Variants in ASTN1 observed in about 807,000 individuals in gnomAD.
ASTN1 encodes the protein astrotactin 1, also known as astrotactin-1.
Under a neutral mutation model 140.7 loss-of-function variants are expected in ASTN1, and 41 were observed. The ratio of observed to expected loss-of-function variants is 0.29; its 90% CI spans 0.23 to 0.38. The LOEUF (loss-of-function observed/expected upper bound fraction) is 0.38. Ranked by LOEUF, ASTN1 falls within the 10% of genes least tolerant of loss-of-function variation. The pLI is 1.00. For synonymous variants in ASTN1, 640 were observed against 652.2 expected (o/e 0.98, Z 0.29); for missense variants, 1,479 against 1,678.8 (o/e 0.88, Z 2.08).
chr1:177,145,328 T>G (rs1170176312), intron 1 of ASTN1, among the ~76,000 whole-genome samples: 1 of 152,094 alleles, frequency 6.6e-6, no homozygotes, highest in African/African-American at 2.4e-5. Context: ...TCTCAATTGG[T>G]CTCCCCTGTG....
At chr1:177,119,257 A>G (rs1272191277) in intron 1 of ASTN1, among the ~76,000 whole-genome samples, 11 of 152,224 alleles carry the variant, frequency 7.2e-5, no homozygotes, top group Admixed American at 7.2e-4. Flanking sequence ...TTACCTGTAC[A>G]GTGCTGGTGC....
At chr1:177,022,191 C>G (rs1461546647) in intron 7 of ASTN1, among the ~76,000 whole-genome samples, 1 of 152,114 alleles carries the variant, frequency 6.6e-6, no homozygotes, top group African/African-American at 2.4e-5. Flanking sequence ...GACTCATCCT[C>G]TATTAAGATC....
intron 2 of ASTN1, among the ~76,000 whole-genome samples, chr1:177,039,539 G>A (rs937363192): frequency 6.6e-6 from 1 of 152,160 alleles, no homozygotes; most frequent in Non-Finnish European, 1.5e-5. Context: ...AAAGCAGTTG[G>A]ATAACTTCTC....
chr1:177,037,050 C>T (rs1282898744), intron 2 of ASTN1, among the ~76,000 whole-genome samples: 1 of 152,108 alleles, frequency 6.6e-6, no homozygotes, highest in Non-Finnish European at 1.5e-5. Flanking sequence ...TAACTTCTGG[C>T]TTCAAATAAT....
chr1:176,915,239 G>T (rs1232109512), intron 16 of ASTN1, among the ~76,000 whole-genome samples: 1 of 152,130 alleles, frequency 6.6e-6, no homozygotes, highest in Non-Finnish European at 1.5e-5. Flanking sequence ...CATTACTGAG[G>T]ACCTACCATG....
chr1:177,115,550 G>A (rs1021332587), intron 1 of ASTN1, among the ~76,000 whole-genome samples: 19 of 151,754 alleles, frequency 1.3e-4, no homozygotes, highest in African/African-American at 2.9e-4. Flanking sequence ...ATAGCTACTC[G>A]GGGGACTGAG....
chr1:176,863,917 G>C lies in ASTN1; in HGVS notation c.*367C>G. 1 of 1,053,316 alleles carries C rather than the reference G, an allele frequency of 9.5e-7. No individual in the cohort carries two copies. Among genetic ancestry groups the C allele is most frequent in the Non-Finnish European group, 1.1e-6 (1 of 870,846 alleles). The allele number at this position is 1,053,316 out of a possible 1,614,324, so 65.2% of individuals were successfully genotyped here. On this transcript the variant is annotated 3_prime_UTR_variant, in exon 23 of 23. Transcript: ENST00000361833. ...TGCAATGGATTTAGGAACTGAGTGA[G>C]CACAGGGTGCCTACTTAATAGACTT...
intron 1 of ASTN1, among the ~76,000 whole-genome samples, chr1:177,125,455 T>A (rs1413688264): frequency 6.6e-6 from 1 of 152,206 alleles, no homozygotes. Context: ...AAAGGCCAAG[T>A]AGTCTTTAAA....
chr1:177,137,966 G>A (rs905708875), intron 1 of ASTN1, among the ~76,000 whole-genome samples: 2 of 152,180 alleles, frequency 1.3e-5, no homozygotes, highest in Non-Finnish European at 2.9e-5. Flanking sequence ...TTAAAGGAGG[G>A]AGAAGGTGCC....
chr1:176,963,238 T>C (rs539943906), intron 9 of ASTN1, among the ~76,000 whole-genome samples: 15 of 152,294 alleles, frequency 9.8e-5, no homozygotes, highest in African/African-American at 3.1e-4. Flanking sequence ...AGAGAGATGT[T>C]CAGGAGCTTG....
chr1:176,968,441 A>C (rs942916119), intron 8 of ASTN1, among the ~76,000 whole-genome samples: 1 of 152,222 alleles, frequency 6.6e-6, no homozygotes, highest in Admixed American at 6.5e-5. Flanking sequence ...AGGCAACATG[A>C]GTATGGAAAG....
At chr1:177,156,096 T>C (rs1024125139) in intron 1 of ASTN1, among the ~76,000 whole-genome samples, 1 of 151,700 alleles carries the variant, frequency 6.6e-6, no homozygotes, top group African/African-American at 2.4e-5. Context: ...ATGGTGAAAC[T>C]CCGTCTCTAC....
chr1:176,883,347 C>G (rs1358830111), intron 19 of ASTN1, among the ~76,000 whole-genome samples: 1 of 151,936 alleles, frequency 6.6e-6, no homozygotes, highest in Non-Finnish European at 1.5e-5. Flanking sequence ...ATTCCCCTGC[C>G]TCAGCCTCCC....
chr1:177,005,669 A>ATG (rs761726364), intron 8 of ASTN1, among the ~76,000 whole-genome samples: 11 of 151,944 alleles, frequency 7.2e-5, no homozygotes, highest in African/African-American at 2.4e-4. Flanking sequence ...TATATATAAA[A>ATG]TGTGTGTGTG....
chr1:177,054,716 T>A (rs576194644), intron 2 of ASTN1, among the ~76,000 whole-genome samples: 1 of 152,204 alleles, frequency 6.6e-6, no homozygotes, highest in Non-Finnish European at 1.5e-5. Context: ...CTGGAAACAC[T>A]GTGAAGCTGT....
chr1:176,958,494 C>A lies in ASTN1; in HGVS notation c.1599-12G>T, dbSNP rs1229592373. The A allele has an allele frequency of 1.2e-6, 2 of 1,604,112 alleles. No homozygotes were observed. Among genetic ancestry groups the A allele is most frequent in the African/African-American group, 2.7e-5 (2 of 74,752 alleles). On this transcript the variant is annotated splice_polypyrimidine_tract_variant and intron_variant, in intron 9 of 22. Coordinates refer to ENST00000361833, the MANE Select transcript of ASTN1 (RefSeq NM_004319.3). ...GAGTGTAGGTGAATCTGCAGGGACA[C>A]CCAGTGCCAGGTGGTCATGACTGGG...
At chr1:176,909,718 C>G (rs961467617) in intron 16 of ASTN1, among the ~76,000 whole-genome samples, 2 of 137,666 alleles carry the variant, frequency 1.5e-5, no homozygotes, top group Non-Finnish European at 3.2e-5. Flanking sequence ...TGATACTTAG[C>G]TGTTAGTACT....
intron 12 of ASTN1, among the ~76,000 whole-genome samples, chr1:176,947,826 C>G (rs1269716597): frequency 6.6e-6 from 1 of 152,164 alleles, no homozygotes; most frequent in Admixed American, 6.6e-5. Flanking sequence ...GTCGGGTATC[C>G]TGTTCTTTTT....
intron 14 of ASTN1, among the ~76,000 whole-genome samples, chr1:176,938,564 T>C (rs1052549905): frequency 1.2e-4 from 19 of 152,320 alleles, no homozygotes; most frequent in African/African-American, 4.3e-4. Context: ...AACTTCTTGT[T>C]CTCGCAACCT....
Sources: allele counts gnomAD v4.1 joint callset (sites outside exome capture counted in the v4.1 genomes callset), GRCh38; gene constraint gnomAD v4.1.1; transcripts MANE v1.5; gene names NCBI Gene and HGNC (gene_info 2026-07-23, HGNC 2026-07-21).